The following NALCN variants were observed in gnomAD, a reference collection of about 807,000 sequenced individuals.
NALCN encodes sodium leak channel, non-selective.
Under a neutral mutation model 225.3 loss-of-function variants are expected in NALCN, and 111 were observed. The ratio of observed to expected loss-of-function variants is 0.49; its 90% CI spans 0.42 to 0.58. NALCN has a LOEUF of 0.58. Among genes scored for constraint, NALCN ranks in the 20% least tolerant of loss-of-function variants. The pLI is 0.00. For synonymous variants in NALCN, 764 were observed against 769.0 expected (o/e 0.99, Z 0.11); for missense variants, 1,378 against 2,202.4 (o/e 0.63, Z 7.49).
intron 7 of NALCN, among the ~76,000 whole-genome samples, chr13:101,343,980 G>A (rs1315343412): frequency 6.6e-6 from 1 of 152,148 alleles, no homozygotes; most frequent in Non-Finnish European, 1.5e-5. Context: ...ACTCTCCATA[G>A]AAGACATGGA....
At chr13:101,064,687 G>C (rs771279059) in intron 40 of NALCN, among the ~76,000 whole-genome samples, 1 of 151,988 alleles carries the variant, frequency 6.6e-6, no homozygotes, top group Non-Finnish European at 1.5e-5. Flanking sequence ...CAGGGGAGAG[G>C]CTAGGCTAGA....
intron 18 of NALCN, among the ~76,000 whole-genome samples, chr13:101,115,201 G>T (rs1410231807): frequency 6.6e-6 from 1 of 151,850 alleles, no homozygotes; most frequent in Non-Finnish European, 1.5e-5. Context: ...TCTCAAGTTA[G>T]AATATGATGC....
chr13:101,320,829 A>T (rs953851008), intron 7 of NALCN, among the ~76,000 whole-genome samples: 2 of 152,150 alleles, frequency 1.3e-5, no homozygotes, highest in African/African-American at 2.4e-5. Flanking sequence ...TGCTTCTCTT[A>T]CTACATCTAT....
intron 13 of NALCN, among the ~76,000 whole-genome samples, chr13:101,222,998 A>G (rs1048991990): frequency 6.6e-6 from 1 of 152,090 alleles, no homozygotes; most frequent in Non-Finnish European, 1.5e-5. Flanking sequence ...TTCCCTTCAT[A>G]CAACATATCC....
At chr13:101,206,658 T>C (rs993504880) in intron 13 of NALCN, among the ~76,000 whole-genome samples, 1 of 151,440 alleles carries the variant, frequency 6.6e-6, no homozygotes, top group Non-Finnish European at 1.5e-5. Context: ...TTTGAAGATT[T>C]TCATAGTAAA....
chr13:101,346,081 C>CTATATA (rs1465953187), intron 6 of NALCN, among the ~76,000 whole-genome samples: 9 of 88,772 alleles, frequency 1.0e-4, no homozygotes, highest in African/African-American at 3.2e-4. Context: ...CTCTCTCTCT[C>CTATATA]TCTCTCTATA....
At chr13:101,322,335 T>G (rs2044772215) in intron 7 of NALCN, among the ~76,000 whole-genome samples, 1 of 152,232 alleles carries the variant, frequency 6.6e-6, no homozygotes, top group Non-Finnish European at 1.5e-5. Context: ...GTGCAAATTA[T>G]TTGACAATGT....
intron 13 of NALCN, among the ~76,000 whole-genome samples, chr13:101,225,971 C>T (rs2041125765): frequency 6.6e-6 from 1 of 152,088 alleles, no homozygotes; most frequent in South Asian, 2.1e-4. Context: ...CCACAATCAA[C>T]CCAAGACCAA....
intron 10 of NALCN, among the ~76,000 whole-genome samples, chr13:101,279,689 C>T (rs1486040310): frequency 6.7e-6 from 1 of 148,556 alleles, no homozygotes; most frequent in African/African-American, 2.4e-5. Context: ...TAGTGGCGGG[C>T]GCCTGTAGTC....
At position 101,227,655 on chromosome 13, in the gene NALCN, G is replaced by A. The variant is rs187300811; in HGVS notation, c.1626+1738C>T. Among the ~76,000 whole-genome samples the A allele has an allele frequency of 9.9e-5, 15 of 152,268 alleles. No homozygotes were observed. The East Asian group carries it at 2.9e-3, about 29-fold the overall frequency. ...CAGCCAGCATTGGACTCCCTCCCCT[G>A]TATGTAAGCCCTCAATGAAACCCCA... On this transcript the variant is annotated intron_variant, in intron 13 of 43. Coordinates refer to ENST00000251127, the MANE Select transcript of NALCN (RefSeq NM_052867.4).
At position 101,120,008 on chromosome 13, in the gene NALCN, G is replaced by C. The variant is rs151093620; in HGVS notation, c.2192+4600C>G. 1.4e-3 allele frequency among the ~76,000 whole-genome samples: 219 copies of C among 151,900 alleles called. 3 individuals carry two copies. Among genetic ancestry groups the C allele is most frequent in the African/African-American group, 5.2e-3 (214 of 41,400 alleles). On this transcript the variant is annotated intron_variant, in intron 18 of 43. Coordinates refer to ENST00000251127, the MANE Select transcript of NALCN (RefSeq NM_052867.4). Reference sequence around the variant, plus strand: ...TCAAAACATCAATTAATTTTCAAAAGTACAAGAACATGAATTAAAGATGAT... The same window carrying C: ...TCAAAACATCAATTAATTTTCAAAACTACAAGAACATGAATTAAAGATGAT...
chr13:101,313,340 A>G (rs1362646726), intron 7 of NALCN, among the ~76,000 whole-genome samples: 5 of 152,236 alleles, frequency 3.3e-5, no homozygotes, highest in Non-Finnish European at 5.9e-5. Context: ...ATGGGATTTA[A>G]TTAAACTAAA....
At position 101,348,306 on chromosome 13, in the gene NALCN, C is replaced by T. The variant is rs185132295; in HGVS notation, c.645-2886G>A. Among the ~76,000 whole-genome samples the T allele has an allele frequency of 1.7e-4, 26 of 152,208 alleles. No homozygotes were observed. In the East Asian group the frequency reaches 5.0e-3, roughly 29 times the overall value. Reference sequence around the variant, plus strand: ...TTTCCAATCCATAATGGTGTGAAAACGTCTACCTCATAAGCCTGGGGTGAG... The same window carrying T: ...TTTCCAATCCATAATGGTGTGAAAATGTCTACCTCATAAGCCTGGGGTGAG... On this transcript the variant is annotated intron_variant, in intron 6 of 43. Coordinates refer to ENST00000251127, the MANE Select transcript of NALCN (RefSeq NM_052867.4).
intron 14 of NALCN, among the ~76,000 whole-genome samples, chr13:101,182,157 A>G (rs1009146947): frequency 6.7e-6 from 1 of 149,212 alleles, no homozygotes; most frequent in Non-Finnish European, 1.5e-5. Context: ...AAAAAAAAAA[A>G]GATATGTAAT....
At chr13:101,171,596 T>C (rs1168523918) in intron 15 of NALCN, among the ~76,000 whole-genome samples, 3 of 152,090 alleles carry the variant, frequency 2.0e-5, no homozygotes, top group Non-Finnish European at 4.4e-5. Flanking sequence ...GTGTCATATA[T>C]ATAACACACA....
chr13:101,065,773 G>T (rs1247901710), intron 39 of NALCN, among the ~76,000 whole-genome samples: 3 of 152,188 alleles, frequency 2.0e-5, no homozygotes, highest in Non-Finnish European at 4.4e-5. Flanking sequence ...TTCTGCTGGT[G>T]CTTCTCTTTC....
intron 14 of NALCN, among the ~76,000 whole-genome samples, chr13:101,180,099 C>G (rs1459761898): frequency 2.0e-5 from 3 of 151,982 alleles, no homozygotes; most frequent in Non-Finnish European, 2.9e-5. Context: ...ATTACATCTG[C>G]AAAGACTCTT....
At chr13:101,166,563 C>T (rs1216766685) in intron 15 of NALCN, among the ~76,000 whole-genome samples, 2 of 152,162 alleles carry the variant, frequency 1.3e-5, no homozygotes, top group African/African-American at 2.4e-5. Context: ...AAGTATTTTG[C>T]CTATTTTTAA....
In NALCN at chr13:101,305,685, T is replaced by G. The variant is rs529086558; in HGVS notation, c.800-13319A>C. ...TTAGGGAGACACAGATTCTGTACAATGTAGGTTATACCATTGTTTATCTCA... is the reference window on the plus strand; with the variant it reads ...TTAGGGAGACACAGATTCTGTACAAGGTAGGTTATACCATTGTTTATCTCA... On this transcript the variant is annotated intron_variant, in intron 7 of 43. Coordinates refer to ENST00000251127, the MANE Select transcript of NALCN (RefSeq NM_052867.4). Among the ~76,000 whole-genome samples the G allele has an allele frequency of 1.4e-4, 22 of 152,344 alleles. 2 individuals carry two copies. The highest frequency in any genetic ancestry group is 5.0e-4 in the African/African-American group (21 of 41,596).
Sources: gnomAD v4.1 joint callset for allele counts (sites outside exome capture counted in the v4.1 genomes callset) on GRCh38, gnomAD v4.1.1 for gene constraint, MANE v1.5 for transcripts, NCBI Gene and HGNC (gene_info 2026-07-23, HGNC 2026-07-21) for gene names.